FBXL17: variants seen among roughly 807,000 people sequenced by gnomAD.
FBXL17 encodes F-box/LRR-repeat protein 17.
A neutral mutation model predicts 66.2 loss-of-function variants in FBXL17; 22 were observed. The observed-to-expected ratio is 0.33, with a 90% CI of 0.24 to 0.47. FBXL17 has a LOEUF of 0.47. Ranked by LOEUF, FBXL17 falls within the 20% of genes least tolerant of loss-of-function variation. FBXL17 has a pLI of 1.00. For synonymous variants in FBXL17, 474 were observed against 400.5 expected (o/e 1.18, Z -2.19); for missense variants, 878 against 948.2 (o/e 0.93, Z 0.97).
intron 6 of FBXL17, among the ~76,000 whole-genome samples, chr5:108,084,600 C>G (rs1347582411): frequency 6.6e-6 from 1 of 152,174 alleles, no homozygotes; most frequent in Non-Finnish European, 1.5e-5. Context: ...TAATTAAATT[C>G]ATGTAAATAA....
intron 5 of FBXL17, among the ~76,000 whole-genome samples, chr5:108,207,711 C>A (rs752940998): frequency 6.6e-6 from 1 of 152,170 alleles, no homozygotes. Flanking sequence ...TTTTCTTTAT[C>A]CAGTATATTA....
rs1580449514 is a variant in FBXL17, at chr5:108,106,882, G to A, written c.1745+79235C>T. On this transcript the variant is annotated intron_variant, in intron 6 of 8. Transcript: ENST00000542267. ...CTAAATATGAATATACTAAACCACTGTGAATACACTAAAACCATGGAATAG... is the reference window on the plus strand; with the variant it reads ...CTAAATATGAATATACTAAACCACTATGAATACACTAAAACCATGGAATAG... 3.9e-5 allele frequency among the ~76,000 whole-genome samples: 6 copies of A among 152,220 alleles called. No homozygotes were observed. In the South Asian group the frequency reaches 1.0e-3, roughly 26 times the overall value.
intron 4 of FBXL17, among the ~76,000 whole-genome samples, chr5:108,329,618 T>TG (rs1760022558): frequency 6.6e-6 from 1 of 152,172 alleles, no homozygotes; most frequent in South Asian, 2.1e-4. Flanking sequence ...AATAAGTCTT[T>TG]AACAGCAAAA....
chr5:108,001,295 T>C (rs1347520992), intron 7 of FBXL17, among the ~76,000 whole-genome samples: 7 of 152,158 alleles, frequency 4.6e-5, no homozygotes, highest in African/African-American at 1.4e-4. Flanking sequence ...GTGAATGTTT[T>C]TATGTTTTTA....
At chr5:108,104,841 GTT>G (rs889455223) in intron 6 of FBXL17, among the ~76,000 whole-genome samples, 1 of 151,994 alleles carries the variant, frequency 6.6e-6, no homozygotes, top group Admixed American at 6.5e-5. Flanking sequence ...TTTTTGTTTT[GTT>G]TTGTTTTGTT....
At chr5:108,337,143 C>A (rs1387671623) in intron 4 of FBXL17, among the ~76,000 whole-genome samples, 1 of 151,656 alleles carries the variant, frequency 6.6e-6, no homozygotes, top group African/African-American at 2.4e-5. Flanking sequence ...GTAGTCCCAG[C>A]TACTTGGGAG....
intron 7 of FBXL17, among the ~76,000 whole-genome samples, chr5:107,995,796 A>G (rs1199121838): frequency 6.6e-6 from 1 of 152,168 alleles, no homozygotes; most frequent in African/African-American, 2.4e-5. Flanking sequence ...GTTCTGTGAA[A>G]CCTAATAAAA....
intron 7 of FBXL17, among the ~76,000 whole-genome samples, chr5:107,925,687 T>C (rs1750503365): frequency 6.6e-6 from 1 of 152,226 alleles, no homozygotes; most frequent in Admixed American, 6.5e-5. Flanking sequence ...TGAGCGCCAG[T>C]TGTCCACAGT....
chr5:108,152,959 C>T (rs983495292), intron 6 of FBXL17, among the ~76,000 whole-genome samples: 4 of 152,162 alleles, frequency 2.6e-5, no homozygotes, highest in African/African-American at 9.7e-5. Context: ...GTAACTGAAT[C>T]ATGAGGGCAA....
At chr5:107,969,444 T>C (rs761974145) in intron 7 of FBXL17, among the ~76,000 whole-genome samples, 1 of 152,328 alleles carries the variant, frequency 6.6e-6, no homozygotes, top group South Asian at 2.1e-4. Flanking sequence ...AACCCATTTA[T>C]ATAGAACACC....
Position 107,896,468 on chromosome 5 carries a change from A to C in FBXL17, c.1823-15289T>G, listed in dbSNP as rs1361040724. On this transcript the variant is annotated intron_variant, in intron 7 of 8. Coordinates refer to ENST00000542267, the MANE Select transcript of FBXL17 (RefSeq NM_001163315.3). Reference sequence around the variant, plus strand: ...CAACTAGAAGGTGAGTATTGTGAGTATCCACTTAAAATACTGTGTGACACT... The same window carrying C: ...CAACTAGAAGGTGAGTATTGTGAGTCTCCACTTAAAATACTGTGTGACACT... Among the ~76,000 whole-genome samples the C allele has an allele frequency of 2.0e-5, 3 of 152,206 alleles. No homozygotes were observed. The East Asian group carries it at 5.8e-4, about 29-fold the overall frequency.
intron 7 of FBXL17, among the ~76,000 whole-genome samples, chr5:107,958,938 T>TA (rs1422368547): frequency 6.6e-6 from 1 of 152,212 alleles, no homozygotes; most frequent in Admixed American, 6.6e-5. Flanking sequence ...TCTGGCATAT[T>TA]AGAGTTTAAA....
intron 5 of FBXL17, among the ~76,000 whole-genome samples, chr5:108,208,618 T>G (rs1754230061): frequency 6.6e-6 from 1 of 152,312 alleles, no homozygotes; most frequent in African/African-American, 2.4e-5. Flanking sequence ...ATCAGATGGT[T>G]GTAGATACGT....
chr5:107,945,375 T>G (rs1055715014), intron 7 of FBXL17, among the ~76,000 whole-genome samples: 6 of 152,172 alleles, frequency 3.9e-5, no homozygotes, highest in Non-Finnish European at 5.9e-5. Context: ...AAGTCGAAGA[T>G]GTACTCCTAT....
intron 4 of FBXL17, among the ~76,000 whole-genome samples, chr5:108,291,199 C>G (rs936423139): frequency 6.6e-6 from 1 of 152,062 alleles, no homozygotes; most frequent in Non-Finnish European, 1.5e-5. Context: ...TATTGTCACC[C>G]ACCTTATTGA....
chr5:108,329,583 C>T (rs770924294), intron 4 of FBXL17, among the ~76,000 whole-genome samples: 30 of 152,056 alleles, frequency 2.0e-4, no homozygotes, highest in Non-Finnish European at 4.4e-4. Context: ...CTATGCATTA[C>T]CCAAGTACTA....
chr5:108,013,903 A>T (rs1454634279), intron 7 of FBXL17, among the ~76,000 whole-genome samples: 1 of 152,174 alleles, frequency 6.6e-6, no homozygotes, highest in African/African-American at 2.4e-5. Context: ...AACATTAGGA[A>T]GTCATTTCTT....
intron 6 of FBXL17, among the ~76,000 whole-genome samples, chr5:108,031,763 A>G (rs539129206): frequency 6.6e-6 from 1 of 152,250 alleles, no homozygotes; most frequent in Non-Finnish European, 1.5e-5. Flanking sequence ...CTACACCTGT[A>G]TTTTACTGAA....
In FBXL17 at chr5:107,866,296, A is replaced by G. The variant is rs188385164; in HGVS notation, c.1966-4436T>C. On this transcript the variant is annotated intron_variant, in intron 8 of 8. Coordinates refer to ENST00000542267, the MANE Select transcript of FBXL17 (RefSeq NM_001163315.3). ...CATGTGCCACAAATTTTTTTTTAAT[A>G]TAAGAAAGACTGGATTTTATACTTC... is the stretch of plus-strand genomic sequence containing the variant. 5.5e-3 allele frequency among the ~76,000 whole-genome samples: 831 copies of G among 152,324 alleles called. 11 individuals are homozygous for G. Among genetic ancestry groups the G allele is most frequent in the African/African-American group, 0.019 (799 of 41,574 alleles).
Sources: allele counts gnomAD v4.1 joint callset (sites outside exome capture counted in the v4.1 genomes callset), GRCh38; gene constraint gnomAD v4.1.1; transcripts MANE v1.5; gene names NCBI Gene and HGNC (gene_info 2026-07-23, HGNC 2026-07-21).